Variants in PCDH7 observed in about 807,000 individuals in gnomAD.
PCDH7 encodes the protein protocadherin-7.
In PCDH7, 17 loss-of-function variants were observed where a neutral mutation model predicts 58.9. The observed-to-expected ratio is 0.29, with a 90% CI of 0.20 to 0.43. The LOEUF (loss-of-function observed/expected upper bound fraction) is 0.43, where lower values mean the gene tolerates loss of function less well. PCDH7 is among the 20% of genes least tolerant of loss of function. PCDH7 has a pLI of 1.00. For missense variants in PCDH7, 1,274 were observed against 1,441.0 expected (o/e 0.88, Z 1.88); for synonymous variants, 664 against 616.4 (o/e 1.08, Z -1.14).
intron 3 of PCDH7, among the ~76,000 whole-genome samples, chr4:31,139,197 G>A (rs1262660692): frequency 3.9e-5 from 6 of 151,996 alleles, no homozygotes; most frequent in Non-Finnish European, 7.4e-5. Context: ...TGATTGATGG[G>A]GTATGCGGGC....
intron 1 of PCDH7, among the ~76,000 whole-genome samples, chr4:30,763,832 T>A (rs1387118249): frequency 6.6e-6 from 1 of 152,236 alleles, no homozygotes; most frequent in Non-Finnish European, 1.5e-5. Context: ...TGCATTTTGA[T>A]ATATTTACAC....
At chr4:30,990,633 C>T (rs1308928165) in intron 3 of PCDH7, among the ~76,000 whole-genome samples, 2 of 152,052 alleles carry the variant, frequency 1.3e-5, no homozygotes, top group Non-Finnish European at 1.5e-5. Flanking sequence ...GCAAACCACT[C>T]CTATAATCCC....
chr4:30,865,608 T>C (rs1447319777), intron 1 of PCDH7, among the ~76,000 whole-genome samples: 1 of 152,076 alleles, frequency 6.6e-6, no homozygotes, highest in African/African-American at 2.4e-5. Context: ...TGAAGGTCCA[T>C]AATAGTTTGT....
intron 1 of PCDH7, among the ~76,000 whole-genome samples, chr4:30,756,954 A>G (rs1719386218): frequency 6.6e-6 from 1 of 152,144 alleles, no homozygotes; most frequent in African/African-American, 2.4e-5. Context: ...TTACTGTGCC[A>G]CTGTTTGTAG....
exon 2 of PCDH7, chr4:30,731,289 T>C: frequency 3.3e-6 from 1 of 300,240 alleles, no homozygotes; most frequent in Non-Finnish European, 4.9e-6. Flanking sequence ...CTTTTGCTCA[T>C]TCTGTGTGTG....
intron 3 of PCDH7, among the ~76,000 whole-genome samples, chr4:30,970,865 A>G (rs955029413): frequency 6.6e-6 from 1 of 152,172 alleles, no homozygotes; most frequent in Non-Finnish European, 1.5e-5. Flanking sequence ...TGAAGTAGTG[A>G]AAGTTGCTTC....
intron 3 of PCDH7, among the ~76,000 whole-genome samples, chr4:31,064,240 T>C (rs978143316): frequency 1.1e-4 from 17 of 151,984 alleles, no homozygotes; most frequent in African/African-American, 3.9e-4. Flanking sequence ...ATGTTTAATA[T>C]AAAAAATTTG....
chr4:30,776,858 GGTGTGTGTGTGT>G (rs57657077), intron 1 of PCDH7, among the ~76,000 whole-genome samples: 1 of 147,716 alleles, frequency 6.8e-6, no homozygotes, highest in African/African-American at 2.5e-5. Context: ...TTTGATATGT[GGTGTGTGTGTGT>G]GTGTGTGTGT....
At position 31,132,182 on chromosome 4, in the gene PCDH7, C is replaced by A. The variant is rs1438738655; in HGVS notation, c.*8-10291C>A. ...TAATAAGAACTGCTTATTGCAGAGG[C>A]TATTTCTTCTCATTTACTTTTAGAA... On this transcript the variant is annotated intron_variant, in intron 3 of 3. Coordinates refer to the PCDH7 transcript ENST00000509759. 3.3e-5 allele frequency among the ~76,000 whole-genome samples: 5 copies of A among 152,110 alleles called. No homozygotes were observed. In the East Asian group the frequency reaches 9.6e-4, roughly 29 times the overall value.
At chr4:30,735,406 G>A (rs1716108786), downstream of PCDH7, among the ~76,000 whole-genome samples, 1 of 152,166 alleles carries the variant, frequency 6.6e-6, no homozygotes, top group African/African-American at 2.4e-5. Flanking sequence ...GCCGTATCTT[G>A]AGAGCAACGG....
chr4:30,785,264 A>G (rs770031404), intron 1 of PCDH7, among the ~76,000 whole-genome samples: 10 of 152,078 alleles, frequency 6.6e-5, no homozygotes, highest in Non-Finnish European at 1.3e-4. Context: ...ATAACGCACG[A>G]TATCAGAAAC....
chr4:31,046,301 C>A (rs557366036), intron 3 of PCDH7, among the ~76,000 whole-genome samples: 14 of 152,044 alleles, frequency 9.2e-5, no homozygotes, highest in African/African-American at 3.4e-4. Flanking sequence ...ATATGCCATG[C>A]TTGGCTCTGG....
At position 30,722,836 on chromosome 4, in the gene PCDH7, C is replaced by G; in HGVS notation, c.1414C>G (p.Pro472Ala). Residue 472 changes from proline to alanine, a missense_variant, in exon 1 of 2, where the codon CCA (proline) becomes GCA (alanine). Physicochemically the swap from Pro to Ala is conservative, Grantham distance 27. This residue lies in a region of PCDH7 where 731 missense variants were observed against 881.9 expected (regional missense o/e 0.83). Coordinates refer to ENST00000361762, the Ensembl canonical transcript of PCDH7. This position sits in a 1 kb window ranked among gnomAD's most constrained non-coding sequence, Gnocchi z 7.6. ...GGGCGACGTGCCCTTCCAGCTCAAG[C>G]CAGCCAGCGACACCGAGGGCGACCA... is the stretch of plus-strand genomic sequence containing the variant. 1 of 1,613,692 alleles carries G rather than the reference C, an allele frequency of 6.2e-7. No individual in the cohort carries two copies. The highest frequency in any genetic ancestry group is 1.3e-5 in the African/African-American group (1 of 75,006).
intron 1 of PCDH7, among the ~76,000 whole-genome samples, chr4:30,803,394 AC>A (rs1725781292): frequency 6.6e-6 from 1 of 152,198 alleles, no homozygotes; most frequent in Admixed American, 6.5e-5. Flanking sequence ...AACAATAGAA[AC>A]AACAAAAGCA....
chr4:30,946,855 G>A (rs1746752502), intron 2 of PCDH7, among the ~76,000 whole-genome samples: 1 of 151,790 alleles, frequency 6.6e-6, no homozygotes, highest in Non-Finnish European at 1.5e-5. Flanking sequence ...GATTACAGGC[G>A]CCCACCACCA....
At chr4:31,008,594 T>G (rs1055224168) in intron 3 of PCDH7, among the ~76,000 whole-genome samples, 7 of 151,284 alleles carry the variant, frequency 4.6e-5, no homozygotes, top group African/African-American at 1.7e-4. Context: ...TCTTGTTAAT[T>G]TACAGGGTTT....
At chr4:30,733,365 G>T (rs1464748571), downstream of PCDH7, among the ~76,000 whole-genome samples, 1 of 118,540 alleles carries the variant, frequency 8.4e-6, no homozygotes, top group Non-Finnish European at 1.9e-5. Flanking sequence ...GGTACTAAAA[G>T]AATAATAAGA....
chr4:31,108,592 C>T (rs890096301), intron 3 of PCDH7, among the ~76,000 whole-genome samples: 2 of 152,108 alleles, frequency 1.3e-5, no homozygotes, highest in African/African-American at 2.4e-5. Flanking sequence ...GCACCTATCT[C>T]ACAGCTGGAA....
intron 3 of PCDH7, among the ~76,000 whole-genome samples, chr4:31,031,099 AG>A (rs1754876766): frequency 2.6e-5 from 4 of 152,280 alleles, no homozygotes; most frequent in Middle Eastern, 6.8e-3. Context: ...TGGTAATATG[AG>A]GAGGATGGAA....
Sources: gnomAD v4.1 joint callset for allele counts (sites outside exome capture counted in the v4.1 genomes callset) on GRCh38, gnomAD v4.1.1 for gene constraint, gnomAD v4.1.1 regional missense constraint, Gnocchi (gnomAD v3.1) non-coding constraint, MANE v1.5 for transcripts, NCBI Gene and HGNC (gene_info 2026-07-23, HGNC 2026-07-21) for gene names.